The following NALF1 variants were observed in gnomAD, a reference collection of about 807,000 sequenced individuals.
The protein encoded by NALF1 is NALCN channel auxiliary factor 1, also known as family with sequence similarity 155 member A.
A neutral mutation model predicts 48.4 loss-of-function variants in NALF1; 3 were observed. The observed-to-expected ratio is 0.06, with a 90% confidence interval of 0.03 to 0.16. The LOEUF (loss-of-function observed/expected upper bound fraction) is 0.16. NALF1 is among the 10% of genes least tolerant of loss of function. NALF1 has a pLI of 1.00. For synonymous variants in NALF1, 262 were observed against 245.7 expected (o/e 1.07, Z -0.62); for missense variants, 526 against 571.5 (o/e 0.92, Z 0.81).
intron 1 of NALF1, among the ~76,000 whole-genome samples, chr13:107,686,998 A>G (rs1344337212): frequency 1.3e-5 from 2 of 152,226 alleles, no homozygotes; most frequent in East Asian, 3.9e-4. Context: ...GTCACCTGCA[A>G]TCCTATGTTT....
chr13:107,454,264 C>T (rs1233179455), intron 1 of NALF1, among the ~76,000 whole-genome samples: 1 of 152,176 alleles, frequency 6.6e-6, no homozygotes, highest in Non-Finnish European at 1.5e-5. Context: ...TTTCATACTA[C>T]TGTAAAGAAC....
At chr13:107,437,849 T>C (rs1443827781) in intron 1 of NALF1, among the ~76,000 whole-genome samples, 4 of 152,216 alleles carry the variant, frequency 2.6e-5, no homozygotes. Flanking sequence ...ATATACATTT[T>C]ACCTCGAAAA....
chr13:107,581,248 G>A (rs9583180), intron 1 of NALF1, among the ~76,000 whole-genome samples: 48,254 of 151,970 alleles, frequency 0.32, 8,005 homozygotes, highest in African/African-American at 0.39. Context: ...TTATGCAAAT[G>A]TGACCATGTG....
At chr13:107,839,071 C>A (rs2138633553) in intron 1 of NALF1, among the ~76,000 whole-genome samples, 1 of 152,062 alleles carries the variant, frequency 6.6e-6, no homozygotes, top group Non-Finnish European at 1.5e-5. Flanking sequence ...TGACCTCCTC[C>A]ACCCTGAATT....
At chr13:107,386,302 G>A (rs1474455716) in intron 1 of NALF1, among the ~76,000 whole-genome samples, 1 of 152,164 alleles carries the variant, frequency 6.6e-6, no homozygotes, top group East Asian at 1.9e-4. Flanking sequence ...ACCCCCTCTT[G>A]GTTGACTGTA....
At chr13:107,181,716 T>C (rs929830955) in intron 2 of NALF1, among the ~76,000 whole-genome samples, 1 of 152,118 alleles carries the variant, frequency 6.6e-6, no homozygotes, top group East Asian at 1.9e-4. Context: ...ATGTATGTTT[T>C]ACAAATGTTT....
chr13:107,368,740 C>A (rs751913149), intron 1 of NALF1, among the ~76,000 whole-genome samples: 1 of 152,192 alleles, frequency 6.6e-6, no homozygotes, highest in Admixed American at 6.5e-5. Flanking sequence ...ATGTCAAAAT[C>A]CTTAACTTCA....
At chr13:107,354,128 A>T (rs1431718484) in intron 1 of NALF1, among the ~76,000 whole-genome samples, 1 of 152,230 alleles carries the variant, frequency 6.6e-6, no homozygotes, top group Non-Finnish European at 1.5e-5. Context: ...GCTTCAAATT[A>T]TAAAATAACA....
At chr13:107,261,554 G>A (rs1202544292) in intron 1 of NALF1, among the ~76,000 whole-genome samples, 1 of 152,186 alleles carries the variant, frequency 6.6e-6, no homozygotes, top group African/African-American at 2.4e-5. Context: ...GTACAATCAG[G>A]TAAATCTCCG....
intron 1 of NALF1, among the ~76,000 whole-genome samples, chr13:107,339,732 C>T (rs1882633272): frequency 6.6e-6 from 1 of 152,146 alleles, no homozygotes; most frequent in South Asian, 2.1e-4. Context: ...CCAGTAATGA[C>T]AGGCCATTTC....
chr13:107,212,788 G>A lies in NALF1; in HGVS notation c.916-2033C>T, dbSNP rs774984826. On this transcript the variant is annotated intron_variant, in intron 1 of 2. Transcript: ENST00000375915. ...CTTTCTCAGGTACTAGAGGAAGCAGGATAGGCTTATACCTGCAGTTCAAAA... is the reference window on the plus strand; with the variant it reads ...CTTTCTCAGGTACTAGAGGAAGCAGAATAGGCTTATACCTGCAGTTCAAAA... 1.1e-3 allele frequency among the ~76,000 whole-genome samples: 175 copies of A among 152,264 alleles called. 1 individual carries two copies. Among genetic ancestry groups the A allele is most frequent in the Non-Finnish European group, 1.2e-3 (85 of 68,016 alleles).
chr13:107,322,086 C>T (rs1039279553), intron 1 of NALF1, among the ~76,000 whole-genome samples: 13 of 152,108 alleles, frequency 8.5e-5, no homozygotes, highest in African/African-American at 3.1e-4. Flanking sequence ...TAAACTCAGG[C>T]GAGATCTCTG....
At chr13:107,303,329 C>T (rs916974927) in intron 1 of NALF1, among the ~76,000 whole-genome samples, 20 of 152,056 alleles carry the variant, frequency 1.3e-4, no homozygotes, top group Admixed American at 3.3e-4. Flanking sequence ...GATCGAATGA[C>T]TGAAGAGCAA....
chr13:107,590,838 A>G (rs1421374282), intron 1 of NALF1, among the ~76,000 whole-genome samples: 2 of 151,950 alleles, frequency 1.3e-5, no homozygotes, highest in East Asian at 3.9e-4. Flanking sequence ...TCTCCTGCTC[A>G]ATCATCATCC....
At chr13:107,711,719 T>C (rs1219396518) in intron 1 of NALF1, among the ~76,000 whole-genome samples, 1 of 152,220 alleles carries the variant, frequency 6.6e-6, no homozygotes, top group African/African-American at 2.4e-5. Flanking sequence ...AAATATCTTA[T>C]TAATCTATGA....
intron 1 of NALF1, among the ~76,000 whole-genome samples, chr13:107,661,360 T>C (rs1314511773): frequency 6.6e-6 from 1 of 152,220 alleles, no homozygotes; most frequent in Non-Finnish European, 1.5e-5. Flanking sequence ...ATAAAGCATA[T>C]GCCTTATTGT....
chr13:107,536,289 C>T (rs939754558), intron 1 of NALF1, among the ~76,000 whole-genome samples: 1 of 149,298 alleles, frequency 6.7e-6, no homozygotes, highest in Non-Finnish European at 1.5e-5. Flanking sequence ...AGTGAACAGG[C>T]AACCTACAAA....
intron 1 of NALF1, among the ~76,000 whole-genome samples, chr13:107,445,243 C>G (rs748477686): frequency 3.3e-5 from 5 of 152,164 alleles, no homozygotes; most frequent in Non-Finnish European, 7.3e-5. Flanking sequence ...TACAGCCACC[C>G]TCTGCCCTCT....
chr13:107,565,400 A>G (rs1877780018), intron 1 of NALF1, among the ~76,000 whole-genome samples: 1 of 150,276 alleles, frequency 6.7e-6, no homozygotes, highest in African/African-American at 2.4e-5. Context: ...AAAAAAAAAA[A>G]GTAAAAAAGA....
Sources: allele counts gnomAD v4.1 joint callset (sites outside exome capture counted in the v4.1 genomes callset), GRCh38; gene constraint gnomAD v4.1.1; transcripts MANE v1.5; gene names NCBI Gene and HGNC (gene_info 2026-07-23, HGNC 2026-07-21).